Variants in MYOF observed in about 807,000 individuals in gnomAD.
The protein encoded by MYOF is fer-1-like 3, myoferlin.
A neutral mutation model predicts 284.2 loss-of-function variants in MYOF; 244 were observed. That is an observed-to-expected ratio of 0.86 (90% CI 0.77 to 0.95). MYOF has a LOEUF of 0.95. Among genes scored for constraint, MYOF ranks in the 40% least tolerant of loss-of-function variants. MYOF has a pLI of 0.00. For missense variants in MYOF, 2,496 were observed against 2,560.6 expected, an observed-to-expected ratio of 0.97 and a Z score of 0.54; for synonymous variants, 904 against 919.7, an observed-to-expected ratio of 0.98 and a Z score of 0.31.
chr10:93,429,806 A>G (rs57131186), intron 4 of MYOF, among the ~76,000 whole-genome samples: 26,691 of 152,200 alleles, frequency 0.18, 2,387 homozygotes, highest in Middle Eastern at 0.24. Context: ...CAGTATCTTT[A>G]TGAGTGCTTC....
intron 40 of MYOF, 59 bp downstream of exon 40, chr10:93,337,756 C>T (rs2133833928): frequency 1.1e-5 from 16 of 1,439,326 alleles, no homozygotes; most frequent in Middle Eastern, 1.7e-4. Context: ...CTTAGCTCTG[C>T]CTGTGGCCAG....
chr10:93,476,675 C>T (rs1169280135), intron 1 of MYOF, among the ~76,000 whole-genome samples: 1 of 152,080 alleles, frequency 6.6e-6, no homozygotes, highest in Non-Finnish European at 1.5e-5. Context: ...AACTCCCTTT[C>T]AGATAAGCCA....
chr10:93,442,970 C>A (rs565601816), intron 3 of MYOF, among the ~76,000 whole-genome samples: 25 of 152,114 alleles, frequency 1.6e-4, no homozygotes, highest in Non-Finnish European at 2.6e-4. Context: ...ACCAGCCTGG[C>A]CAAAATGGTG....
intron 23 of MYOF, among the ~76,000 whole-genome samples, chr10:93,374,435 A>G (rs1477352979): frequency 6.6e-6 from 1 of 152,172 alleles, no homozygotes; most frequent in Non-Finnish European, 1.5e-5. Flanking sequence ...GGTCTTCCCA[A>G]CCCCAGCCAA....
At chr10:93,426,475 A>T (rs1848594061) in intron 4 of MYOF, among the ~76,000 whole-genome samples, 2 of 152,216 alleles carry the variant, frequency 1.3e-5, no homozygotes, top group Non-Finnish European at 2.9e-5. Flanking sequence ...TAGACTGGAG[A>T]TGCCCTCCCA....
At chr10:93,417,658 G>T (rs1848190617) in intron 5 of MYOF, among the ~76,000 whole-genome samples, 1 of 152,068 alleles carries the variant, frequency 6.6e-6, no homozygotes, top group Non-Finnish European at 1.5e-5. Flanking sequence ...CACCAGAGCT[G>T]CAGGTCATTG....
chr10:93,325,363 C>T (rs951913785), intron 46 of MYOF, among the ~76,000 whole-genome samples: 3 of 152,286 alleles, frequency 2.0e-5, no homozygotes, highest in Non-Finnish European at 2.9e-5. Context: ...TGAACCGGGC[C>T]GAGCTCAATC....
chr10:93,426,817 G>T (rs1273743831), intron 4 of MYOF, among the ~76,000 whole-genome samples: 2 of 151,986 alleles, frequency 1.3e-5, no homozygotes, highest in Non-Finnish European at 2.9e-5. Context: ...GAACCTGAAG[G>T]GGGCGGAGGT....
At chr10:93,338,455 T>A (rs1843715143) in intron 39 of MYOF, 2 of 456,800 alleles carry the variant, frequency 4.4e-6, no homozygotes, top group Admixed American at 4.7e-5. Flanking sequence ...TCTCTGAGCA[T>A]CAATTTCTTC....
chr10:93,358,114 A>C (rs1311642151), intron 29 of MYOF, among the ~76,000 whole-genome samples: 1 of 152,234 alleles, frequency 6.6e-6, no homozygotes, highest in East Asian at 1.9e-4. Flanking sequence ...CAAGGAAAAA[A>C]CAACCACATT....
intron 15 of MYOF, among the ~76,000 whole-genome samples, chr10:93,397,021 G>A (rs184489135): frequency 1.1e-4 from 17 of 152,174 alleles, no homozygotes; most frequent in Admixed American, 9.8e-4. Context: ...TTTTCAGCAC[G>A]TTCCCCTTCT....
At chr10:93,367,230 A>G (rs1010391210) in intron 25 of MYOF, among the ~76,000 whole-genome samples, 2 of 152,214 alleles carry the variant, frequency 1.3e-5, no homozygotes, top group Non-Finnish European at 2.9e-5. Context: ...TTCCTTTCCA[A>G]GTTAGAATCT....
chr10:93,450,993 C>T (rs1025161710), intron 3 of MYOF, among the ~76,000 whole-genome samples: 3 of 152,142 alleles, frequency 2.0e-5, no homozygotes, highest in African/African-American at 7.2e-5. Context: ...AATGCCCTGT[C>T]ACTAGGCAAT....
intron 35 of MYOF, 37 bp downstream of exon 35, chr10:93,351,160 G>T (rs777735847): frequency 6.3e-7 from 1 of 1,589,738 alleles, no homozygotes; most frequent in Non-Finnish European, 8.6e-7. Flanking sequence ...AGTCACATCC[G>T]TTTGATTTGA....
At chr10:93,378,691 G>GTGTGTGTGTA (rs1554849962) in intron 21 of MYOF, among the ~76,000 whole-genome samples, 1 of 42,258 alleles carries the variant, frequency 2.4e-5, no homozygotes, top group Non-Finnish European at 4.5e-5. Flanking sequence ...ATGTGTGTGT[G>GTGTGTGTGTA]TGTATATATA....
At chr10:93,435,940 T>TC (rs202011447) in intron 3 of MYOF, among the ~76,000 whole-genome samples, 9 of 147,990 alleles carry the variant, frequency 6.1e-5, no homozygotes, top group East Asian at 5.8e-4. Flanking sequence ...ATTTTCTCTC[T>TC]TTTTTTTTTT....
chr10:93,328,806 A>G lies in MYOF; in HGVS notation c.5088T>C (p.Ser1696=), dbSNP rs1843169981. 6.2e-7 allele frequency: 1 copy of G among 1,613,390 alleles called. No individual in the cohort carries two copies. Among genetic ancestry groups the G allele is most frequent in the African/African-American group, 1.3e-5 (1 of 74,904 alleles). The change falls in exon 45 of 54, where the codon AGT becomes AGC. Residue 1696 remains serine (S), a synonymous_variant. Transcript: ENST00000359263. ...AGTCTCGTCCTCCATATCTGATTCT[A>G]CTCCCATCTTCGGAAAGGATGGGTT... ...FPQPILSEDG[S]RIRYGGRDYS... is the part of the protein sequence containing the mutation.
In MYOF at chr10:93,396,124, A is replaced by G. The variant is rs754403090; in HGVS notation, c.1417+18T>C. ...AGTTCTGTATCCAGTCTTGTTCTAG[A>G]TCTGTTGAGTGACTTACCTTCCACT... On this transcript the variant is annotated intron_variant, in intron 16 of 53. Coordinates refer to ENST00000359263, the MANE Select transcript of MYOF (RefSeq NM_013451.4). 1.3e-6 allele frequency: 2 copies of G among 1,583,316 alleles called. No individual in the cohort carries two copies. The highest frequency in any genetic ancestry group is 2.7e-5 in the African/African-American group (2 of 73,832).
At chr10:93,387,707 T>G in intron 19 of MYOF, 90 bp downstream of exon 19, 2 of 964,788 alleles carry the variant, frequency 2.1e-6, no homozygotes, top group Non-Finnish European at 3.3e-6. Context: ...TCATTGTGAG[T>G]TGGGTTGCCT....
Sources: gnomAD v4.1 joint callset for allele counts (sites outside exome capture counted in the v4.1 genomes callset) on GRCh38, gnomAD v4.1.1 for gene constraint, MANE v1.5 for transcripts, NCBI Gene and HGNC (gene_info 2026-07-23, HGNC 2026-07-21) for gene names.